The following NDUFAF5 variants were observed in gnomAD, a reference collection of about 807,000 sequenced individuals.
The protein encoded by NDUFAF5 is NADH:ubiquinone oxidoreductase complex assembly factor 5.
NDUFAF5 carries 34 observed loss-of-function variants against 48.9 expected under a neutral mutation model. The ratio of observed to expected loss-of-function variants is 0.70; its 90% confidence interval spans 0.53 to 0.93. The LOEUF (loss-of-function observed/expected upper bound fraction) is 0.93, where lower values mean the gene tolerates loss of function less well. NDUFAF5 is among the 40% of genes least tolerant of loss of function. The pLI is 0.00. For missense variants in NDUFAF5, 428 were observed against 427.5 expected (o/e 1.00, Z -0.01); for synonymous variants, 153 against 150.6 (o/e 1.02, Z -0.12).
At position 13,817,064 on chromosome 20, in the gene NDUFAF5, G is replaced by T. The variant is rs1600397457; in HGVS notation, c.946-54G>T. 3 of 1,568,446 alleles carry T rather than the reference G, an allele frequency of 1.9e-6. No homozygotes were observed. The African/African-American group carries it at 4.1e-5, about 21-fold the overall frequency. ...TAAGACAGCATTAAGGGCTTTAATTGGGGCTGTGTATTATCTATCTATTTC... is the reference window on the plus strand; with the variant it reads ...TAAGACAGCATTAAGGGCTTTAATTTGGGCTGTGTATTATCTATCTATTTC... On this transcript the variant is annotated intron_variant, in intron 10 of 10. Coordinates refer to ENST00000378106, the MANE Select transcript of NDUFAF5 (RefSeq NM_024120.5).
intron 8 of NDUFAF5, chr20:13,814,589 G>T: frequency 1.3e-6 from 1 of 757,306 alleles, no homozygotes; most frequent in Non-Finnish European, 2.0e-6. Context: ...GTTTATTTTT[G>T]ATAAGCAGTT....
chr20:13,799,294 A>C (rs867265306), intron 6 of NDUFAF5, among the ~76,000 whole-genome samples: 23 of 152,180 alleles, frequency 1.5e-4, no homozygotes, highest in Admixed American at 7.9e-4. Context: ...GGTGGGCAAA[A>C]TAATAATGGC....
At position 13,820,616 on chromosome 20, in the gene NDUFAF5, C is replaced by G. The variant is rs1275032622; in HGVS notation, c.*3406C>G. 1 of 152,026 alleles carries G rather than the reference C, an allele frequency of 6.6e-6. No individual in the cohort carries two copies. The highest frequency in any genetic ancestry group is 1.5e-5 in the Non-Finnish European group (1 of 68,044). 9.4% of individuals were successfully genotyped at this position (152,026 alleles called of 1,614,324 possible). A position where few individuals can be genotyped will look rare whatever the true frequency, so the allele number is the denominator to read the frequency against. ...GGCTGAGGTGGGAGTATTGATCGAG[C>G]CCAGGAGGTCAAGGCTGCAGCAAGC... On this transcript the variant is annotated 3_prime_UTR_variant, in exon 11 of 11. Coordinates refer to ENST00000378106, the MANE Select transcript of NDUFAF5 (RefSeq NM_024120.5).
intron 3 of NDUFAF5, among the ~76,000 whole-genome samples, chr20:13,791,021 C>T (rs1982198385): frequency 6.6e-6 from 1 of 152,160 alleles, no homozygotes; most frequent in African/African-American, 2.4e-5. Context: ...ATCCTAGTAC[C>T]TAAATCACAA....
At chr20:13,811,304 A>G (rs1048097345) in intron 8 of NDUFAF5, among the ~76,000 whole-genome samples, 2 of 152,064 alleles carry the variant, frequency 1.3e-5, no homozygotes, top group African/African-American at 4.8e-5. Context: ...AGAAAATGAG[A>G]TGTTTGATGA....
intron 7 of NDUFAF5, chr20:13,803,202 G>A (rs1984478582): frequency 6.6e-6 from 1 of 152,188 alleles, no homozygotes; most frequent in African/African-American, 2.4e-5. Context: ...GAGCCTCCAG[G>A]GAGGGAAGAA....
intron 2 of NDUFAF5, 128 bp downstream of exon 2, chr20:13,787,480 C>T: frequency 1.1e-6 from 1 of 889,476 alleles, no homozygotes; most frequent in Non-Finnish European, 1.9e-6. Flanking sequence ...TGATTTAAAT[C>T]ACTCTGTAAG....
At chr20:13,800,943 T>A (rs889940673) in intron 6 of NDUFAF5, among the ~76,000 whole-genome samples, 1 of 152,186 alleles carries the variant, frequency 6.6e-6, no homozygotes, top group Non-Finnish European at 1.5e-5. Context: ...GTGGCTGGGC[T>A]GGGCTCCAAG....
intron 7 of NDUFAF5, among the ~76,000 whole-genome samples, chr20:13,803,849 G>C (rs951054525): frequency 2.6e-5 from 4 of 151,930 alleles, no homozygotes; most frequent in African/African-American, 9.7e-5. Context: ...GCAATGGCAC[G>C]GTCTTGGCCC....
At position 13,820,824 on chromosome 20, in the gene NDUFAF5, A is replaced by T. The variant is rs1167779439; in HGVS notation, c.*3614A>T. 6.6e-6 allele frequency: 1 copy of T among 152,268 alleles called. No individual in the cohort carries two copies. Among genetic ancestry groups the T allele is most frequent in the African/African-American group, 2.4e-5 (1 of 41,470 alleles). 9.4% of individuals were successfully genotyped at this position (152,268 alleles called of 1,614,324 possible). A position where few individuals can be genotyped will look rare whatever the true frequency, so the allele number is the denominator to read the frequency against. On this transcript the variant is annotated 3_prime_UTR_variant, in exon 11 of 11. Transcript: ENST00000378106. ...ATATTAGTAGATATTTGGAAAAAAG[A>T]AAGATAGTTGATGCAGTGATTATTA...
intron 4 of NDUFAF5, 92 bp downstream of exon 4, chr20:13,793,319 T>G (rs1463295992): frequency 8.6e-7 from 1 of 1,157,878 alleles, no homozygotes; most frequent in Non-Finnish European, 1.3e-6. Context: ...AAACTAGCTT[T>G]CTTTTCTGAC....
intron 7 of NDUFAF5, among the ~76,000 whole-genome samples, chr20:13,802,396 C>T (rs566071132): frequency 9.2e-5 from 14 of 152,180 alleles, no homozygotes; most frequent in African/African-American, 3.1e-4. Context: ...TGGCTGGGTG[C>T]GGTGGCTCAC....
intron 2 of NDUFAF5, among the ~76,000 whole-genome samples, chr20:13,788,237 T>C (rs1406679188): frequency 6.6e-6 from 1 of 152,268 alleles, no homozygotes; most frequent in Non-Finnish European, 1.5e-5. Flanking sequence ...GGGATAATTA[T>C]TGATAAGTAT....
rs71188188 is a variant in NDUFAF5 at position 13,818,443 on chromosome 20, GTT to G, written c.*1246_*1247del. 988 of 293,752 alleles carry G rather than the reference GTT, an allele frequency of 3.4e-3. No individual in the cohort carries two copies. The highest frequency in any genetic ancestry group is 4.2e-3 in the Non-Finnish European group (639 of 152,804). 18.2% of individuals were successfully genotyped at this position (293,752 alleles called of 1,614,324 possible). A position where few individuals can be genotyped will look rare whatever the true frequency, so the allele number is the denominator to read the frequency against. On this transcript the variant is annotated 3_prime_UTR_variant, in exon 11 of 11. Coordinates refer to ENST00000378106, the MANE Select transcript of NDUFAF5 (RefSeq NM_024120.5). ...AGAATTTGGCGTTTTGTTTTTTGGG[GTT>G]TTTTTTTTTTTTAGCTTAATTTTCA...
intron 7 of NDUFAF5, among the ~76,000 whole-genome samples, chr20:13,807,533 T>G (rs1255652408): frequency 6.6e-6 from 1 of 152,178 alleles, no homozygotes; most frequent in African/African-American, 2.4e-5. Context: ...TCTTGGAGAT[T>G]TTTTTCCTAT....
At chr20:13,810,525 A>T (rs1482010408) in intron 8 of NDUFAF5, among the ~76,000 whole-genome samples, 2 of 152,118 alleles carry the variant, frequency 1.3e-5, no homozygotes, top group African/African-American at 4.8e-5. Context: ...CTGTTCTTTC[A>T]AGAAGTCTGG....
chr20:13,810,750 A>G (rs1015090680), intron 8 of NDUFAF5, among the ~76,000 whole-genome samples: 9 of 152,130 alleles, frequency 5.9e-5, no homozygotes, highest in Non-Finnish European at 1.0e-4. Flanking sequence ...GAAGGGTGCA[A>G]TACAAAGGCC....
intron 8 of NDUFAF5, among the ~76,000 whole-genome samples, chr20:13,811,063 G>A (rs1400963904): frequency 1.3e-5 from 2 of 152,138 alleles, no homozygotes; most frequent in Non-Finnish European, 2.9e-5. Context: ...TGGGTTGGGG[G>A]TTTGCTAGTT....
rs113659919 is a variant in NDUFAF5, at chr20:13,785,298, C to A, written c.222+8C>A. ...GACTACCTGAAGGAGGAGGTGAGCC[C>A]GCGGGGCGGCGGGGCGGCGGGGCGG... On this transcript the variant is annotated splice_region_variant and intron_variant, in intron 1 of 10. Transcript: ENST00000378106. 9.6e-7 allele frequency: 1 copy of A among 1,040,674 alleles called. No homozygotes were observed. 64.5% of individuals were successfully genotyped at this position (1,040,674 alleles called of 1,614,324 possible).
Sources: allele counts gnomAD v4.1 joint callset (sites outside exome capture counted in the v4.1 genomes callset), GRCh38; gene constraint gnomAD v4.1.1; transcripts MANE v1.5; gene names NCBI Gene and HGNC (gene_info 2026-07-23, HGNC 2026-07-21).